ERC2: variants seen among roughly 807,000 people sequenced by gnomAD.
ERC2 encodes the protein ELKS/RAB6-interacting/CAST family member 2.
In ERC2, 42 loss-of-function variants were observed where a neutral mutation model predicts 114.8. The observed-to-expected ratio is 0.37, with a 90% CI of 0.29 to 0.47. ERC2 has a LOEUF of 0.47. Among genes scored for constraint, ERC2 ranks in the 20% least tolerant of loss-of-function variants. The pLI is 0.99. For synonymous variants in ERC2, 454 were observed against 425.5 expected, an observed-to-expected ratio of 1.07 and a Z score of -0.82; for missense variants, 939 against 1,150.7, an observed-to-expected ratio of 0.82 and a Z score of 2.66.
At chr3:55,977,266 G>A (rs2069663962) in intron 12 of ERC2, among the ~76,000 whole-genome samples, 1 of 152,116 alleles carries the variant, frequency 6.6e-6, no homozygotes, top group South Asian at 2.1e-4. Context: ...AAATTCAGAA[G>A]ACATAAAAGA....
intron 3 of ERC2, among the ~76,000 whole-genome samples, chr3:56,284,060 A>G (rs541069434): frequency 2.6e-5 from 4 of 152,258 alleles, no homozygotes; most frequent in Non-Finnish European, 5.9e-5. Context: ...GGCAGTTGAA[A>G]TCTTCCCATC....
intron 3 of ERC2, among the ~76,000 whole-genome samples, chr3:56,282,285 A>G (rs1352161623): frequency 1.3e-5 from 2 of 152,234 alleles, no homozygotes; most frequent in African/African-American, 4.8e-5. Context: ...ATGAAAAAAC[A>G]ATGGGAGGAA....
At chr3:56,023,054 T>A (rs1168041300) in intron 7 of ERC2, among the ~76,000 whole-genome samples, 1 of 152,202 alleles carries the variant, frequency 6.6e-6, no homozygotes. Flanking sequence ...AATGGGGTCC[T>A]TAACTCTGGG....
chr3:55,568,169 T>C (rs2056489996), intron 17 of ERC2, among the ~76,000 whole-genome samples: 1 of 152,250 alleles, frequency 6.6e-6, no homozygotes, highest in South Asian at 2.1e-4. Flanking sequence ...CAAACTCTTA[T>C]TGAGACAGAA....
chr3:56,428,540 AAAGG>A (rs1192897597), intron 2 of ERC2, among the ~76,000 whole-genome samples: 200 of 120,656 alleles, frequency 1.7e-3, no homozygotes, highest in African/African-American at 3.1e-3. Flanking sequence ...AAGAAGGCAG[AAAGG>A]AAGGAAGGAA....
At chr3:55,918,754 A>G (rs11917617) in intron 13 of ERC2, among the ~76,000 whole-genome samples, 107,003 of 150,344 alleles carry the variant, frequency 0.71, 38,307 homozygotes, top group Admixed American at 0.77. Context: ...AGCACCAACA[A>G]CCAGATATGT....
At chr3:55,687,047 A>T (rs2062370454) in intron 16 of ERC2, among the ~76,000 whole-genome samples, 1 of 152,182 alleles carries the variant, frequency 6.6e-6, no homozygotes, top group South Asian at 2.1e-4. Flanking sequence ...GACGTGACAG[A>T]CAAGGGGGTC....
At chr3:56,212,303 G>A (rs1475001902) in intron 3 of ERC2, among the ~76,000 whole-genome samples, 1 of 152,056 alleles carries the variant, frequency 6.6e-6, no homozygotes, top group African/African-American at 2.4e-5. Flanking sequence ...GACATGAACA[G>A]ACTATTTTCA....
At chr3:56,182,591 C>T (rs922976693) in intron 3 of ERC2, among the ~76,000 whole-genome samples, 1 of 152,186 alleles carries the variant, frequency 6.6e-6, no homozygotes, top group Admixed American at 6.5e-5. Flanking sequence ...TTTATTATCA[C>T]CATTTTTCAC....
chr3:55,896,961 G>A (rs1211344331), intron 13 of ERC2, among the ~76,000 whole-genome samples: 1 of 152,186 alleles, frequency 6.6e-6, no homozygotes, highest in Non-Finnish European at 1.5e-5. Context: ...TGTATTTACT[G>A]TATCTGAATA....
chr3:56,459,239 C>G (rs1196041523), intron 1 of ERC2, among the ~76,000 whole-genome samples: 1 of 152,172 alleles, frequency 6.6e-6, no homozygotes, highest in Non-Finnish European at 1.5e-5. Flanking sequence ...ATAGGAAACC[C>G]TGCTCTTTCT....
At chr3:55,862,367 T>C (rs532267550) in intron 14 of ERC2, among the ~76,000 whole-genome samples, 1 of 152,216 alleles carries the variant, frequency 6.6e-6, no homozygotes, top group South Asian at 2.1e-4. Context: ...TTCCTAAATA[T>C]GGAAAGATGT....
chr3:55,962,926 G>A (rs115805598), intron 12 of ERC2, among the ~76,000 whole-genome samples: 1 of 152,192 alleles, frequency 6.6e-6, no homozygotes, highest in East Asian at 1.9e-4. Context: ...TACTATGTCT[G>A]TTCTGTAGTT....
At chr3:55,748,006 G>C (rs2066419320) in intron 14 of ERC2, among the ~76,000 whole-genome samples, 1 of 152,196 alleles carries the variant, frequency 6.6e-6, no homozygotes, top group East Asian at 1.9e-4. Flanking sequence ...GAAGGAACCT[G>C]AAACCAGACA....
chr3:56,249,771 C>T (rs906254557), intron 3 of ERC2, among the ~76,000 whole-genome samples: 2 of 151,866 alleles, frequency 1.3e-5, no homozygotes, highest in African/African-American at 4.8e-5. Flanking sequence ...ACAGTAAGTG[C>T]TCAATATGTA....
chr3:56,003,843 C>T (rs2072265550), intron 10 of ERC2, among the ~76,000 whole-genome samples: 1 of 151,978 alleles, frequency 6.6e-6, no homozygotes. Flanking sequence ...GTTTTCTTGT[C>T]TATTTTGTGT....
intron 6 of ERC2, among the ~76,000 whole-genome samples, chr3:56,118,982 G>A (rs1291454492): frequency 6.6e-6 from 1 of 152,198 alleles, no homozygotes; most frequent in East Asian, 1.9e-4. Context: ...TTTGGTAAAG[G>A]GCCAGGTAGT....
intron 15 of ERC2, among the ~76,000 whole-genome samples, chr3:55,713,859 A>T (rs2063927532): frequency 6.6e-6 from 1 of 152,178 alleles, no homozygotes; most frequent in South Asian, 2.1e-4. Flanking sequence ...ATATACATAT[A>T]AGTTTGTCCT....
chr3:56,310,862 T>A (rs367703190), intron 2 of ERC2, among the ~76,000 whole-genome samples: 1 of 151,980 alleles, frequency 6.6e-6, no homozygotes, highest in African/African-American at 2.4e-5. Context: ...CATGAAGGTG[T>A]GAGAAATGCT....
Sources: allele counts gnomAD v4.1 joint callset (sites outside exome capture counted in the v4.1 genomes callset), GRCh38; gene constraint gnomAD v4.1.1; transcripts MANE v1.5; gene names NCBI Gene and HGNC (gene_info 2026-07-23, HGNC 2026-07-21).